Variants in ARHGAP18 observed in about 807,000 individuals in gnomAD.
The protein encoded by ARHGAP18 is rho GTPase-activating protein 18.
A neutral mutation model predicts 86.2 loss-of-function variants in ARHGAP18; 67 were observed. The observed-to-expected ratio is 0.78, with a 90% CI of 0.64 to 0.95. The LOEUF (loss-of-function observed/expected upper bound fraction) is 0.95, where lower values mean the gene tolerates loss of function less well. Ranked by LOEUF, ARHGAP18 falls within the 40% of genes least tolerant of loss-of-function variation. The pLI is 0.00. For missense variants in ARHGAP18, 691 were observed against 780.4 expected (o/e 0.89, Z 1.37); for synonymous variants, 283 against 280.4 (o/e 1.01, Z -0.09).
rs1430859673 is a variant in ARHGAP18 at position 129,577,001 on chromosome 6, T to C, written c.*1512A>G. On this transcript the variant is annotated 3_prime_UTR_variant, in exon 15 of 15. Coordinates refer to ENST00000368149, the MANE Select transcript of ARHGAP18 (RefSeq NM_033515.3). Reference sequence around the variant, plus strand: ...GAAAATAGAAAATAGAGGTGACTTTTAATAACAAAAAAGTCCATTTCTCAA... The same window carrying C: ...GAAAATAGAAAATAGAGGTGACTTTCAATAACAAAAAAGTCCATTTCTCAA... 1 of 151,388 alleles carries C rather than the reference T, an allele frequency of 6.6e-6. No individual in the cohort carries two copies. The highest frequency in any genetic ancestry group is 1.5e-5 in the Non-Finnish European group (1 of 67,872). The allele number at this position is 151,388 out of a possible 1,614,324, so 9.4% of individuals were successfully genotyped here.
In ARHGAP18 at chr6:129,611,611, C is replaced by T. The variant is rs1238854761; in HGVS notation, c.1045-1G>A. 1 of 1,613,082 alleles carries T rather than the reference C, an allele frequency of 6.2e-7. No homozygotes were observed. The highest frequency in any genetic ancestry group is 2.2e-5 in the East Asian group (1 of 44,766). On this transcript the variant is annotated splice_acceptor_variant, in intron 7 of 14. Coordinates refer to ENST00000368149, the MANE Select transcript of ARHGAP18 (RefSeq NM_033515.3). LOFTEE classifies it high-confidence loss of function. ...CTCTCTCTTCAATTCGAGAAATCAG[C>T]TGTGCATAAACAGAGAAACATTCTA...
At chr6:129,698,579 T>TACCCAGCAC (rs1774659226) in intron 1 of ARHGAP18, among the ~76,000 whole-genome samples, 4 of 151,812 alleles carry the variant, frequency 2.6e-5, no homozygotes, top group Non-Finnish European at 5.9e-5. Flanking sequence ...GTCTTGCTCT[T>TACCCAGCAC]TCACCCAGGC....
chr6:129,700,801 C>T (rs1214727668), intron 1 of ARHGAP18, among the ~76,000 whole-genome samples: 1 of 152,094 alleles, frequency 6.6e-6, no homozygotes, highest in Non-Finnish European at 1.5e-5. Context: ...GGCCCTGAAA[C>T]ATTAAATAGC....
intron 6 of ARHGAP18, among the ~76,000 whole-genome samples, chr6:129,618,397 A>G (rs1440869067): frequency 6.6e-6 from 1 of 152,216 alleles, no homozygotes; most frequent in East Asian, 1.9e-4. Context: ...TTTTAAATAT[A>G]TAGTTTTTAA....
intron 1 of ARHGAP18, among the ~76,000 whole-genome samples, chr6:129,694,839 A>G (rs1774586996): frequency 6.6e-6 from 1 of 152,220 alleles, no homozygotes; most frequent in South Asian, 2.1e-4. Context: ...TTGCTGAAAG[A>G]CTTGTGTTCT....
At chr6:129,709,251 A>G (rs1315923271) in intron 1 of ARHGAP18, among the ~76,000 whole-genome samples, 1 of 152,186 alleles carries the variant, frequency 6.6e-6, no homozygotes, top group Non-Finnish European at 1.5e-5. Context: ...GGAGGTAAAA[A>G]TGTTCAGCTA....
intron 5 of ARHGAP18, among the ~76,000 whole-genome samples, chr6:129,626,711 A>G (rs1367033069): frequency 6.6e-6 from 1 of 151,804 alleles, no homozygotes; most frequent in Non-Finnish European, 1.5e-5. Flanking sequence ...ACAAATAGAA[A>G]AAAAAAGAAA....
At position 129,671,288 on chromosome 6, in the gene ARHGAP18, T is replaced by C. The variant is rs1283868579; in HGVS notation, c.114-29270A>G. Among the ~76,000 whole-genome samples, 9 of 152,240 alleles carry C rather than the reference T, an allele frequency of 5.9e-5. 1 individual carries two copies. The highest frequency in any genetic ancestry group is 2.9e-5 in the Non-Finnish European group (2 of 68,040). The stretch of plus-strand genomic sequence containing the variant: ...AAATGAAGTGGTCAACTGTTTATTA[T>C]ATTTACCTATAGAATGAGTTCACAT... On this transcript the variant is annotated intron_variant, in intron 1 of 14. Transcript: ENST00000368149.
intron 3 of ARHGAP18, among the ~76,000 whole-genome samples, chr6:129,635,966 T>A (rs968794000): frequency 6.6e-6 from 1 of 152,208 alleles, no homozygotes; most frequent in African/African-American, 2.4e-5. Flanking sequence ...AGTAGCAACA[T>A]CCTCTTGGAG....
At chr6:129,671,145 T>G (rs1156405851) in intron 1 of ARHGAP18, among the ~76,000 whole-genome samples, 2 of 152,190 alleles carry the variant, frequency 1.3e-5, no homozygotes, top group East Asian at 3.8e-4. Context: ...GTTCAAGTAA[T>G]TTATCTATAC....
chr6:129,598,941 G>GGTGTGTGTGT (rs71028166), intron 12 of ARHGAP18: 53 of 212,622 alleles, frequency 2.5e-4, no homozygotes, highest in African/African-American at 1.1e-3. Context: ...GGGGTGTAGG[G>GGTGTGTGTGT]GTGTGTGTGT....
intron 1 of ARHGAP18, among the ~76,000 whole-genome samples, chr6:129,650,704 C>A (rs1028315030): frequency 1.3e-5 from 2 of 152,236 alleles, no homozygotes; most frequent in Non-Finnish European, 2.9e-5. Context: ...CCATGACTTG[C>A]ATCCACCTGA....
chr6:129,607,960 G>A lies in ARHGAP18; in HGVS notation c.1215C>T (p.Leu405=), dbSNP rs752913481. Residue 405 remains leucine, a synonymous_variant, in exon 9 of 15, where the codon CTC becomes CTT. Transcript: ENST00000368149. ...GTGGCTGGGGCAACTCCCGAATGAAGAGCTTCAGCAGGCTGGCGGCATCAT... is the reference window on the plus strand; with the variant it reads ...GTGGCTGGGGCAACTCCCGAATGAAAAGCTTCAGCAGGCTGGCGGCATCAT... ...KQHDAASLLK[L]FIRELPQPLL... is the part of the protein sequence containing the mutation. The A allele has an allele frequency of 6.2e-7, 1 of 1,610,044 alleles. No homozygotes were observed. The highest frequency in any genetic ancestry group is 1.3e-5 in the African/African-American group (1 of 74,248).
intron 13 of ARHGAP18, 60 bp downstream of exon 13, chr6:129,583,928 C>CGA (rs142019329): frequency 1.5e-4 from 223 of 1,449,962 alleles, no homozygotes; most frequent in Middle Eastern, 1.9e-4. Context: ...GCAGCGAAGG[C>CGA]GAGAGAGAGA....
intron 3 of ARHGAP18, among the ~76,000 whole-genome samples, chr6:129,635,620 G>A (rs1444910486): frequency 1.3e-5 from 2 of 152,208 alleles, no homozygotes; most frequent in Non-Finnish European, 2.9e-5. Context: ...GTTCATTTCT[G>A]CATTATATTT....
chr6:129,647,132 T>C (rs1391821837), intron 1 of ARHGAP18, among the ~76,000 whole-genome samples: 3 of 152,172 alleles, frequency 2.0e-5, no homozygotes, highest in Non-Finnish European at 4.4e-5. Flanking sequence ...AGAATTAAAA[T>C]GTCTTTAAAA....
intron 2 of ARHGAP18, among the ~76,000 whole-genome samples, chr6:129,640,065 C>A (rs68182766): frequency 0.22 from 22,906 of 104,130 alleles, 2,228 homozygotes; most frequent in Non-Finnish European, 0.24. Context: ...AAAAAAAAAA[C>A]AAACAAAAGT....
In ARHGAP18 at chr6:129,694,272, C is replaced by G. The variant is rs190682956; in HGVS notation, c.113+15752G>C. ...TTCTGAATGGCACATTGGTAAAGACCCTGACAACAAATTGCCTAGGTCTAA... is the reference window on the plus strand; with the variant it reads ...TTCTGAATGGCACATTGGTAAAGACGCTGACAACAAATTGCCTAGGTCTAA... On this transcript the variant is annotated intron_variant, in intron 1 of 14. Coordinates refer to ENST00000368149, the MANE Select transcript of ARHGAP18 (RefSeq NM_033515.3). 3.7e-4 allele frequency among the ~76,000 whole-genome samples: 56 copies of G among 152,176 alleles called. No homozygotes were observed. The East Asian group carries it at 7.5e-3, about 21-fold the overall frequency.
At chr6:129,706,636 C>T (rs968944380) in intron 1 of ARHGAP18, among the ~76,000 whole-genome samples, 7 of 152,052 alleles carry the variant, frequency 4.6e-5, no homozygotes, top group Admixed American at 2.6e-4. Flanking sequence ...CCTGTAATCT[C>T]GGCACTTTGG....
Sources: allele counts gnomAD v4.1 joint callset (sites outside exome capture counted in the v4.1 genomes callset), GRCh38; gene constraint gnomAD v4.1.1; transcripts MANE v1.5; gene names NCBI Gene and HGNC (gene_info 2026-07-23, HGNC 2026-07-21).